GRIK4: variants seen among roughly 807,000 people sequenced by gnomAD.
The protein encoded by GRIK4 is glutamate receptor ionotropic, kainate 4.
GRIK4 carries 40 observed loss-of-function variants against 104.9 expected under a neutral mutation model. The ratio of observed to expected loss-of-function variants is 0.38; its 90% CI spans 0.30 to 0.50. The LOEUF (loss-of-function observed/expected upper bound fraction) is 0.50, where lower values mean the gene tolerates loss of function less well. Among genes scored for constraint, GRIK4 ranks in the 20% least tolerant of loss-of-function variants. The probability of loss-of-function intolerance (pLI) is 0.93; values close to 1 mark genes in which losing one functional copy is unlikely to be tolerated. For missense variants in GRIK4, 1,047 were observed against 1,308.1 expected, an observed-to-expected ratio of 0.80 and a Z score of 3.08; for synonymous variants, 485 against 524.9, an observed-to-expected ratio of 0.92 and a Z score of 1.04.
chr11:120,744,253 A>G (rs1287612104), intron 3 of GRIK4, among the ~76,000 whole-genome samples: 1 of 152,094 alleles, frequency 6.6e-6, no homozygotes, highest in African/African-American at 2.4e-5. Flanking sequence ...TCTGCCGCAA[A>G]CAGCTGCTGG....
chr11:120,757,187 C>T (rs1433799513), intron 3 of GRIK4, among the ~76,000 whole-genome samples: 1 of 152,238 alleles, frequency 6.6e-6, no homozygotes, highest in African/African-American at 2.4e-5. Flanking sequence ...TACTGCTGGA[C>T]TCCCTGAAAG....
At chr11:120,710,161 G>A (rs1057374499) in intron 3 of GRIK4, among the ~76,000 whole-genome samples, 2 of 152,168 alleles carry the variant, frequency 1.3e-5, no homozygotes, top group African/African-American at 4.8e-5. Flanking sequence ...AATACAGAAG[G>A]TTCCCTGTAT....
intron 3 of GRIK4, among the ~76,000 whole-genome samples, chr11:120,716,080 G>C (rs931117080): frequency 3.3e-5 from 5 of 152,052 alleles, no homozygotes; most frequent in African/African-American, 1.2e-4. Context: ...TGCAGGGAGG[G>C]TACGGAGCCT....
chr11:120,614,428 G>A lies in GRIK4; in HGVS notation c.-158-39257G>A, dbSNP rs73574436. ...GGGGCCTGTCCCATGTGCATGGGCTGCATGAGCTCCAGAGACCAGAAAGTT... is the reference window on the plus strand; with the variant it reads ...GGGGCCTGTCCCATGTGCATGGGCTACATGAGCTCCAGAGACCAGAAAGTT... On this transcript the variant is annotated intron_variant, in intron 1 of 20. Transcript: ENST00000527524. 5.0e-3 allele frequency among the ~76,000 whole-genome samples: 768 copies of A among 152,294 alleles called. 5 individuals are homozygous for A. The highest frequency in any genetic ancestry group is 0.018 in the African/African-American group (733 of 41,570).
intron 1 of GRIK4, among the ~76,000 whole-genome samples, chr11:120,524,000 C>G (rs1354995214): frequency 6.6e-6 from 1 of 151,634 alleles, no homozygotes; most frequent in East Asian, 1.9e-4. Flanking sequence ...GATCTCGGCT[C>G]ACTGCAACCT....
chr11:120,836,803 G>A lies in GRIK4; in HGVS notation c.703G>A (p.Gly235Arg). 1.2e-6 allele frequency: 2 copies of A among 1,607,964 alleles called. No homozygotes were observed. Among genetic ancestry groups the A allele is most frequent in the Non-Finnish European group, 1.7e-6 (2 of 1,174,370 alleles). The change falls in exon 8 of 21, where the codon GGG becomes AGG. Residue 235 changes from glycine to arginine, a missense_variant. Gly to Arg is a moderately radical substitution (Grantham distance 125). Coordinates refer to ENST00000527524, the MANE Select transcript of GRIK4 (RefSeq NM_014619.5). Reference protein sequence around the residue: ...HTILLKAAELGMVSAYYTYIF... With the variant: ...HTILLKAAELRMVSAYYTYIF... ...CTTCGCCTTGCAGGCAGCCGAACTT[G>A]GGATGGTGTCAGCCTATTACACATA...
intron 13 of GRIK4, among the ~76,000 whole-genome samples, chr11:120,906,325 A>T (rs1241411558): frequency 6.6e-6 from 1 of 152,230 alleles, no homozygotes; most frequent in Admixed American, 6.5e-5. Context: ...TGTGCCCTTG[A>T]TCCAACTCTT....
chr11:120,545,333 A>AT (rs879928598), intron 1 of GRIK4, among the ~76,000 whole-genome samples: 9 of 152,096 alleles, frequency 5.9e-5, no homozygotes, highest in Non-Finnish European at 1.0e-4. Flanking sequence ...CCTAAGATAC[A>AT]TTTTTTTCTT....
At chr11:120,776,228 C>T (rs897536521) in intron 3 of GRIK4, among the ~76,000 whole-genome samples, 3 of 152,104 alleles carry the variant, frequency 2.0e-5, no homozygotes, top group Admixed American at 6.5e-5. Flanking sequence ...AAACTGACTG[C>T]GTGCTCACAT....
At chr11:120,580,105 T>A (rs1045847425) in intron 1 of GRIK4, among the ~76,000 whole-genome samples, 1 of 152,254 alleles carries the variant, frequency 6.6e-6, no homozygotes, top group Non-Finnish European at 1.5e-5. Context: ...AATGCCAGTT[T>A]GTTTATTCAT....
intron 13 of GRIK4, among the ~76,000 whole-genome samples, chr11:120,917,016 C>G (rs1433319669): frequency 6.6e-6 from 1 of 151,532 alleles, no homozygotes; most frequent in Non-Finnish European, 1.5e-5. Context: ...GAGGCCGAGG[C>G]GAGCGGATCA....
chr11:120,529,454 C>T lies in GRIK4; in HGVS notation c.-159+17567C>T, dbSNP rs188351142. Among the ~76,000 whole-genome samples, 397 of 152,304 alleles carry T rather than the reference C, an allele frequency of 2.6e-3. 1 individual carries two copies. The highest frequency in any genetic ancestry group is 8.1e-3 in the South Asian group (39 of 4,824). Reference sequence around the variant, plus strand: ...GAGCCCCTAGCAGTTACTACAGGGACGAGCCTAGAGCCCAGCCTGGGCACC... The same window carrying T: ...GAGCCCCTAGCAGTTACTACAGGGATGAGCCTAGAGCCCAGCCTGGGCACC... On this transcript the variant is annotated intron_variant, in intron 1 of 20. Coordinates refer to ENST00000527524, the MANE Select transcript of GRIK4 (RefSeq NM_014619.5).
intron 6 of GRIK4, among the ~76,000 whole-genome samples, chr11:120,825,958 AG>A (rs1232410854): frequency 2.0e-5 from 3 of 152,272 alleles, no homozygotes; most frequent in Admixed American, 2.0e-4. Flanking sequence ...TGTCCCCCGG[AG>A]GCCCTGTGGG....
At chr11:120,715,598 A>T (rs139149830) in intron 3 of GRIK4, among the ~76,000 whole-genome samples, 16 of 151,966 alleles carry the variant, frequency 1.1e-4, no homozygotes, top group African/African-American at 3.9e-4. Flanking sequence ...TTTTCTAGAC[A>T]TTCGTTTTCC....
chr11:120,851,618 TTGAA>T (rs544893623), intron 8 of GRIK4, among the ~76,000 whole-genome samples: 2 of 152,166 alleles, frequency 1.3e-5, no homozygotes, highest in Non-Finnish European at 2.9e-5. Context: ...CATGTTTTTG[TTGAA>T]TGAATGAAGG....
At chr11:120,709,251 A>G (rs1186970703) in intron 3 of GRIK4, among the ~76,000 whole-genome samples, 1 of 151,550 alleles carries the variant, frequency 6.6e-6, no homozygotes, top group Admixed American at 6.6e-5. Context: ...CCCTACCCTC[A>G]TCTAGAATGC....
At chr11:120,805,630 C>T (rs1456534091) in intron 4 of GRIK4, among the ~76,000 whole-genome samples, 1 of 152,196 alleles carries the variant, frequency 6.6e-6, no homozygotes, top group Non-Finnish European at 1.5e-5. Context: ...AAGGGGACTT[C>T]TGGATCTTCC....
chr11:120,617,130 G>T (rs1404802490), intron 1 of GRIK4, among the ~76,000 whole-genome samples: 1 of 152,164 alleles, frequency 6.6e-6, no homozygotes. Flanking sequence ...GGGCAAGAGC[G>T]TAAAACCTTC....
chr11:120,891,311 A>G (rs941058395), intron 11 of GRIK4, among the ~76,000 whole-genome samples: 3 of 152,234 alleles, frequency 2.0e-5, no homozygotes, highest in African/African-American at 7.2e-5. Flanking sequence ...ATCCCTGCTT[A>G]CACACCAGGC....
Sources: allele counts gnomAD v4.1 joint callset (sites outside exome capture counted in the v4.1 genomes callset), GRCh38; gene constraint gnomAD v4.1.1; transcripts MANE v1.5; gene names NCBI Gene and HGNC (gene_info 2026-07-23, HGNC 2026-07-21).